ADGRB3: variants seen among roughly 807,000 people sequenced by gnomAD.
ADGRB3 encodes brain-specific angiogenesis inhibitor 3.
Under a neutral mutation model 193.4 loss-of-function variants are expected in ADGRB3, and 37 were observed. The observed-to-expected ratio is 0.19, with a 90% confidence interval of 0.15 to 0.25. The LOEUF is 0.25. Among genes scored for constraint, ADGRB3 ranks in the 10% least tolerant of loss-of-function variants. The pLI, the probability that ADGRB3 is intolerant of heterozygous loss-of-function variation, is 1.00. For missense variants in ADGRB3, 1,637 were observed against 1,852.9 expected, an observed-to-expected ratio of 0.88 and a Z score of 2.14; for synonymous variants, 690 against 644.2, an observed-to-expected ratio of 1.07 and a Z score of -1.08.
chr6:69,288,500 C>T (rs200913162), intron 20 of ADGRB3, among the ~76,000 whole-genome samples: 2 of 152,160 alleles, frequency 1.3e-5, no homozygotes, highest in East Asian at 3.8e-4. Context: ...CTGACAGTGC[C>T]TTTTGTACTG....
At position 69,018,344 on chromosome 6, in the gene ADGRB3, G is replaced by C. The variant is rs762166669; in HGVS notation, c.1999-47G>C. Reference sequence around the variant, plus strand: ...AAAAAATTCAGTTATATATGCCATTGTATGTATAGATTTTTTATTCCTTCT... The same window carrying C: ...AAAAAATTCAGTTATATATGCCATTCTATGTATAGATTTTTTATTCCTTCT... On this transcript the variant is annotated intron_variant, in intron 12 of 31. Transcript: ENST00000370598. The C allele has an allele frequency of 4.1e-6, 5 of 1,231,820 alleles. No individual in the cohort carries two copies. In the Admixed American group the frequency reaches 8.0e-5, roughly 20 times the overall value. The allele number at this position is 1,231,820 out of a possible 1,614,324, so 76.3% of individuals were successfully genotyped here.
At chr6:69,340,477 C>G (rs1398257254) in intron 26 of ADGRB3, among the ~76,000 whole-genome samples, 1 of 152,088 alleles carries the variant, frequency 6.6e-6, no homozygotes, top group Non-Finnish European at 1.5e-5. Flanking sequence ...TGTTTGAGAA[C>G]TTTATTGCAA....
intron 3 of ADGRB3, among the ~76,000 whole-genome samples, chr6:68,755,808 A>G (rs1426788816): frequency 6.6e-6 from 1 of 152,176 alleles, no homozygotes; most frequent in African/African-American, 2.4e-5. Context: ...TTTCTTAGGA[A>G]TATACTTGGG....
At chr6:69,333,085 C>T (rs960878968) in intron 24 of ADGRB3, 77 bp downstream of exon 24, 13 of 1,466,486 alleles carry the variant, frequency 8.9e-6, no homozygotes, top group African/African-American at 2.8e-5. Context: ...TCACTGACTG[C>T]GTTTGACTCT....
chr6:69,354,415 A>C, intron 27 of ADGRB3, 87 bp downstream of exon 27: 1 of 1,161,956 alleles, frequency 8.6e-7, no homozygotes, highest in South Asian at 1.3e-5. Flanking sequence ...ATAGTGTAAA[A>C]TTTTCATTTT....
intron 3 of ADGRB3, among the ~76,000 whole-genome samples, chr6:68,890,450 T>A (rs1215760221): frequency 6.6e-6 from 1 of 152,230 alleles, no homozygotes; most frequent in African/African-American, 2.4e-5. Flanking sequence ...AGTTTAGCAA[T>A]CTTTAGAAAG....
rs1219613356 is a variant in ADGRB3 at position 68,972,758 on chromosome 6, A to C, written c.1526-2005A>C. Among the ~76,000 whole-genome samples, 6 of 152,346 alleles carry C rather than the reference A, an allele frequency of 3.9e-5. No individual in the cohort carries two copies. In the East Asian group the frequency reaches 1.2e-3, roughly 29 times the overall value. On this transcript the variant is annotated intron_variant, in intron 8 of 31. Coordinates refer to ENST00000370598, the MANE Select transcript of ADGRB3 (RefSeq NM_001704.3). ...AGAAAAACACCTAACGTAAGGAAGAAGTAAGGTATGAATGATTCTGAGAAG... is the reference window on the plus strand; with the variant it reads ...AGAAAAACACCTAACGTAAGGAAGACGTAAGGTATGAATGATTCTGAGAAG...
chr6:69,012,740 G>T (rs1307164920), intron 11 of ADGRB3, among the ~76,000 whole-genome samples: 2 of 152,034 alleles, frequency 1.3e-5, no homozygotes, highest in Non-Finnish European at 2.9e-5. Context: ...ATTAAATATA[G>T]ATACTAACAG....
chr6:68,766,528 G>A (rs572525574), intron 3 of ADGRB3, among the ~76,000 whole-genome samples: 10 of 151,942 alleles, frequency 6.6e-5, no homozygotes, highest in African/African-American at 1.7e-4. Flanking sequence ...GATAAAAATG[G>A]CATATTATTT....
chr6:69,109,488 G>A (rs1773307166), intron 17 of ADGRB3, among the ~76,000 whole-genome samples: 1 of 152,138 alleles, frequency 6.6e-6, no homozygotes, highest in Non-Finnish European at 1.5e-5. Context: ...AAGTAATACT[G>A]ATTACTAGAA....
At chr6:68,772,873 A>C in intron 3 of ADGRB3, among the ~76,000 whole-genome samples, 1 of 25,102 alleles carries the variant, frequency 4.0e-5, no homozygotes, top group African/African-American at 1.4e-4. Context: ...AAACAAACAA[A>C]CAAACAAACA....
chr6:69,357,580 T>A (rs1263586200), intron 28 of ADGRB3, among the ~76,000 whole-genome samples: 1 of 151,972 alleles, frequency 6.6e-6, no homozygotes, highest in Non-Finnish European at 1.5e-5. Context: ...CTCCTCTACA[T>A]GGAGCTTTCA....
At chr6:68,974,941 C>A in intron 9 of ADGRB3, 77 bp downstream of exon 9, 1 of 1,278,532 alleles carries the variant, frequency 7.8e-7, no homozygotes, top group South Asian at 1.3e-5. Flanking sequence ...TTTATGAAGT[C>A]ATGTTTTTGT....
At chr6:68,906,782 A>G (rs192997150) in intron 3 of ADGRB3, among the ~76,000 whole-genome samples, 13 of 152,104 alleles carry the variant, frequency 8.5e-5, no homozygotes, top group Non-Finnish European at 1.5e-4. Flanking sequence ...TATTCATGCA[A>G]CTTTGCTGCA....
At chr6:68,835,869 C>T (rs753020920) in intron 3 of ADGRB3, among the ~76,000 whole-genome samples, 2 of 151,952 alleles carry the variant, frequency 1.3e-5, no homozygotes, top group Non-Finnish European at 2.9e-5. Context: ...TATTTATTTT[C>T]CCGGTCCCAG....
chr6:69,062,780 C>A (rs1277158440), intron 15 of ADGRB3, among the ~76,000 whole-genome samples, 154 bp from the exon 16 acceptor site: 1 of 151,904 alleles, frequency 6.6e-6, no homozygotes, highest in Non-Finnish European at 1.5e-5. Context: ...GGTTTCTTTA[C>A]AGCAGTAAAA....
chr6:68,975,145 A>G (rs1219578866), intron 9 of ADGRB3, 89 bp from the exon 10 acceptor site: 3 of 1,077,942 alleles, frequency 2.8e-6, no homozygotes, highest in Middle Eastern at 2.1e-4. Context: ...AAAAAGTACA[A>G]ACTTAATTTT....
At chr6:68,669,819 ATTTTTAGAT>A (rs1262338569) in intron 3 of ADGRB3, among the ~76,000 whole-genome samples, 2 of 151,788 alleles carry the variant, frequency 1.3e-5, no homozygotes, top group Non-Finnish European at 2.9e-5. Flanking sequence ...TGGTAGCTCA[ATTTTTAGAT>A]TTTTACAGAA....
chr6:68,728,451 C>T (rs1235030497), intron 3 of ADGRB3, among the ~76,000 whole-genome samples: 2 of 151,464 alleles, frequency 1.3e-5, no homozygotes, highest in African/African-American at 2.4e-5. Context: ...TCTTCCACAG[C>T]TACTGGAGTT....
Sources: gnomAD v4.1 joint callset for allele counts (sites outside exome capture counted in the v4.1 genomes callset) on GRCh38, gnomAD v4.1.1 for gene constraint, MANE v1.5 for transcripts, NCBI Gene and HGNC (gene_info 2026-07-23, HGNC 2026-07-21) for gene names.